The following UGT1A10 variants were observed in gnomAD, a reference collection of about 807,000 sequenced individuals.
UGT1A10 encodes the protein UDP glucuronosyltransferase family 1 member A10.
Under a neutral mutation model 45.8 loss-of-function variants are expected in UGT1A10, and 49 were observed. The ratio of observed to expected loss-of-function variants is 1.07; its 90% CI spans 0.85 to 1.36. The LOEUF is 1.36. Ranked by LOEUF, UGT1A10 falls within the 40% of genes most tolerant of loss-of-function variation. The pLI is 0.00. For synonymous variants in UGT1A10, 284 were observed against 249.7 expected, an observed-to-expected ratio of 1.14 and a Z score of -1.29; for missense variants, 745 against 668.6, an observed-to-expected ratio of 1.11 and a Z score of -1.26.
At chr2:233,718,732 G>T (rs2076679181) in intron 1 of UGT1A10, 8 of 1,611,122 alleles carry the variant, frequency 5.0e-6, no homozygotes, top group Non-Finnish European at 5.9e-6. Flanking sequence ...TTGCTAGGTG[G>T]CTCAATGACA....
intron 1 of UGT1A10, chr2:233,718,719 G>C: frequency 6.2e-7 from 1 of 1,609,316 alleles, no homozygotes; most frequent in Admixed American, 1.7e-5. Context: ...ATTACATGCT[G>C]ATTTGCTAGG....
At chr2:233,682,006 C>T in intron 1 of UGT1A10, 8 of 1,614,136 alleles carry the variant, frequency 5.0e-6, no homozygotes, top group Non-Finnish European at 6.8e-6. Flanking sequence ...GTGGCTTTGC[C>T]AAGGCAGGGA....
chr2:233,757,439 A>G (rs942606489), intron 1 of UGT1A10, among the ~76,000 whole-genome samples: 6 of 151,228 alleles, frequency 4.0e-5, no homozygotes, highest in African/African-American at 1.5e-4. Flanking sequence ...AGTCACTTCT[A>G]TACAGAAACA....
At chr2:233,649,272 A>G (rs1039598994) in intron 1 of UGT1A10, among the ~76,000 whole-genome samples, 8 of 152,214 alleles carry the variant, frequency 5.3e-5, no homozygotes, top group African/African-American at 1.9e-4. Flanking sequence ...AAAATTTTGA[A>G]ACAGAGTATT....
chr2:233,718,985 C>T (rs45571233), intron 1 of UGT1A10: 1 of 1,614,226 alleles, frequency 6.2e-7, no homozygotes, highest in East Asian at 2.2e-5. Flanking sequence ...ATGCCAGAGG[C>T]CACCAGGCGG....
intron 1 of UGT1A10, chr2:233,729,581 A>AC (rs752036126): frequency 6.8e-6 from 11 of 1,613,946 alleles, no homozygotes. Context: ...GTTTTAACAG[A>AC]CCCCGTTAAC....
At chr2:233,701,057 T>C (rs935589404) in intron 1 of UGT1A10, among the ~76,000 whole-genome samples, 12 of 152,198 alleles carry the variant, frequency 7.9e-5, no homozygotes, top group African/African-American at 2.9e-4. Flanking sequence ...ACTCATAATT[T>C]TTTATGGCTG....
chr2:233,670,987 T>TG (rs2074173614), intron 1 of UGT1A10, among the ~76,000 whole-genome samples: 1 of 152,094 alleles, frequency 6.6e-6, no homozygotes, highest in African/African-American at 2.4e-5. Context: ...GGCTTATGGA[T>TG]GGGGGCAGTC....
rs374013247 is a variant in UGT1A10, at chr2:233,693,245, C to T, written c.855+55868C>T. ...CTACACAAGAAAAATCTATCCAGTG[C>T]CGTATGACCAAGAAGAGCTGAAGAA... On this transcript the variant is annotated intron_variant, in intron 1 of 4. Coordinates refer to ENST00000344644, the MANE Select transcript of UGT1A10 (RefSeq NM_019075.4). 49 of 1,613,952 alleles carry T rather than the reference C, an allele frequency of 3.0e-5. 1 individual carries two copies. The highest frequency in any genetic ancestry group is 3.6e-5 in the Non-Finnish European group (42 of 1,180,016).
intron 1 of UGT1A10, among the ~76,000 whole-genome samples, chr2:233,704,117 C>T (rs2075768191): frequency 6.6e-6 from 1 of 151,996 alleles, no homozygotes; most frequent in South Asian, 2.1e-4. Flanking sequence ...TCTCAAACTC[C>T]TTACCTCAAG....
rs28898618 is a variant in UGT1A10, at chr2:233,729,359, C to T, written c.856-37675C>T. ...AAAGAAGAGAACTTTTTCACCCTGA[C>T]AACCTATGCCATTTCGTGGACCCAG... is the stretch of plus-strand genomic sequence containing the variant. On this transcript the variant is annotated intron_variant, in intron 1 of 4. Transcript: ENST00000344644. 8.4e-4 allele frequency: 1,362 copies of T among 1,614,128 alleles called. 14 individuals are homozygous for T. The African/African-American group carries it at 0.016, about 19-fold the overall frequency.
chr2:233,772,501 G>A lies in UGT1A10; in HGVS notation c.1535G>A (p.Arg512Gln), dbSNP rs778667717. Residue 512 changes from arginine (R) to glutamine (Q), a missense_variant, in exon 5 of 5, where the codon CGG (arginine) becomes CAG (glutamine). Transcript: ENST00000344644. Reference protein sequence around the residue: ...ITFKCCAYGYRKCLGKKGRVK... With the variant: ...ITFKCCAYGYQKCLGKKGRVK... Reference sequence around the variant, plus strand: ...TTTAAATGTTGTGCTTATGGCTACCGGAAATGCTTGGGGAAAAAAGGGCGA... The same window carrying A: ...TTTAAATGTTGTGCTTATGGCTACCAGAAATGCTTGGGGAAAAAAGGGCGA... The A allele has an allele frequency of 1.8e-5, 29 of 1,614,036 alleles. No homozygotes were observed. The highest frequency in any genetic ancestry group is 5.5e-5 in the South Asian group (5 of 91,088).
At position 233,719,159 on chromosome 2, in the gene UGT1A10, T is replaced by G. The variant is rs28898610; in HGVS notation, c.856-47875T>G. On this transcript the variant is annotated intron_variant, in intron 1 of 4. Coordinates refer to ENST00000344644, the MANE Select transcript of UGT1A10 (RefSeq NM_019075.4). ...ATCTTCTGAAGAGATATTCTAGAAGTATGGCAATTATGAACAATGTATCTT... is the reference window on the plus strand; with the variant it reads ...ATCTTCTGAAGAGATATTCTAGAAGGATGGCAATTATGAACAATGTATCTT... 1.9e-6 allele frequency: 3 copies of G among 1,614,126 alleles called. No homozygotes were observed. Among genetic ancestry groups the G allele is most frequent in the Admixed American group, 1.7e-5 (1 of 60,002 alleles).
At position 233,650,034 on chromosome 2, in the gene UGT1A10, G is replaced by C. The variant is rs1292886640; in HGVS notation, c.855+12657G>C. 1.7e-4 allele frequency among the ~76,000 whole-genome samples: 26 copies of C among 152,194 alleles called. No individual in the cohort carries two copies. The South Asian group carries it at 3.1e-3, about 18-fold the overall frequency. ...TGTCGAGGCTGGGGTGCAATGGTGC[G>C]ATCTTGGCTCACCACAACCTCTGCC... On this transcript the variant is annotated intron_variant, in intron 1 of 4. Transcript: ENST00000344644.
At chr2:233,681,953 T>G (rs1575427752) in intron 1 of UGT1A10, 2 of 1,613,576 alleles carry the variant, frequency 1.2e-6, no homozygotes, top group Non-Finnish European at 1.7e-6. Context: ...TCGTGCAGGG[T>G]GGACTGGCCT....
At chr2:233,661,623 T>TTTTCTTCC (rs1553602623) in intron 1 of UGT1A10, among the ~76,000 whole-genome samples, 11 of 123,952 alleles carry the variant, frequency 8.9e-5, no homozygotes, top group African/African-American at 3.2e-4. Context: ...ACTTACTGAA[T>TTTTCTTCC]TTTCTTTCTT....
At chr2:233,722,046 G>GT (rs1419489243) in intron 1 of UGT1A10, 1 of 233,802 alleles carries the variant, frequency 4.3e-6, no homozygotes, top group East Asian at 1.2e-4. Flanking sequence ...ATTTTGTGGT[G>GT]TTTCTGGGTC....
intron 1 of UGT1A10, chr2:233,743,733 G>A (rs949975964): frequency 8.8e-6 from 12 of 1,367,248 alleles, no homozygotes; most frequent in Admixed American, 7.6e-5. Flanking sequence ...TAGATATCGC[G>A]TTTCTTGGCG....
At chr2:233,724,187 G>T (rs1459882110) in intron 1 of UGT1A10, among the ~76,000 whole-genome samples, 6 of 123,410 alleles carry the variant, frequency 4.9e-5, no homozygotes, top group African/African-American at 1.1e-4. Flanking sequence ...CCTCCCGGAC[G>T]GGGTGGCTGG....
Sources: gnomAD v4.1 joint callset for allele counts (sites outside exome capture counted in the v4.1 genomes callset) on GRCh38, gnomAD v4.1.1 for gene constraint, MANE v1.5 for transcripts, NCBI Gene and HGNC (gene_info 2026-07-23, HGNC 2026-07-21) for gene names.